HTR2C: variants seen among roughly 807,000 people sequenced by gnomAD.
The protein encoded by HTR2C is 5-hydroxytryptamine (serotonin) receptor 2C, G protein-coupled.
HTR2C carries 5 observed loss-of-function variants against 21.0 expected under a neutral mutation model. The observed-to-expected ratio is 0.24, with a 90% CI of 0.12 to 0.50. The LOEUF (loss-of-function observed/expected upper bound fraction) is 0.50, where lower values mean the gene tolerates loss of function less well. Among genes scored for constraint, HTR2C ranks in the 20% least tolerant of loss-of-function variants. The pLI is 0.98. For missense variants in HTR2C, 271 were observed against 371.2 expected, an observed-to-expected ratio of 0.73 and a Z score of 2.22; for synonymous variants, 150 against 145.3, an observed-to-expected ratio of 1.03 and a Z score of -0.23.
chrX:114,780,308 C>T (rs1242802412), intron 4 of HTR2C, among the ~76,000 whole-genome samples: 1 of 111,197 alleles, frequency 9.0e-6, no homozygotes, highest in East Asian at 2.8e-4. Context: ...ATGAAAGTAT[C>T]AAAGAGCTCA....
intron 4 of HTR2C, among the ~76,000 whole-genome samples, chrX:114,750,852 A>G (rs2069754732): frequency 8.9e-6 from 1 of 112,143 alleles, no homozygotes; most frequent in South Asian, 3.7e-4. Flanking sequence ...GGTAGCAGAC[A>G]CAATAAAAAC....
At chrX:114,732,251 T>C (rs1434584554) in intron 4 of HTR2C, among the ~76,000 whole-genome samples, 1 of 112,227 alleles carries the variant, frequency 8.9e-6, no homozygotes, top group Admixed American at 9.5e-5. Flanking sequence ...TTGATTTTCT[T>C]CCATCCCTTC....
intron 2 of HTR2C, among the ~76,000 whole-genome samples, chrX:114,689,375 T>C (rs1173028217): frequency 1.8e-5 from 2 of 109,543 alleles, no homozygotes; most frequent in Non-Finnish European, 1.9e-5. Flanking sequence ...AGATACCCAG[T>C]AGTGGAATTG....
chrX:114,801,469 T>C (rs1285715976), intron 4 of HTR2C, among the ~76,000 whole-genome samples: 1 of 111,149 alleles, frequency 9.0e-6, no homozygotes, highest in Non-Finnish European at 1.9e-5. Context: ...TGGTGTACTT[T>C]ACATAGATTT....
At chrX:114,732,454 A>G (rs2069546152) in intron 4 of HTR2C, among the ~76,000 whole-genome samples, 1 of 111,204 alleles carries the variant, frequency 9.0e-6, no homozygotes, top group African/African-American at 3.3e-5. Context: ...ATGGAATTAG[A>G]CTAGAAGAAA....
chrX:114,624,826 A>G (rs1168100529), intron 2 of HTR2C, among the ~76,000 whole-genome samples: 1 of 111,780 alleles, frequency 8.9e-6, no homozygotes, highest in Non-Finnish European at 1.9e-5. Flanking sequence ...TTGAGAGCTT[A>G]TAATTGAAAA....
chrX:114,907,154 C>T lies in HTR2C; in HGVS notation c.1116C>T (p.Asn372=). The stretch of plus-strand genomic sequence containing the variant: ...ATCCTCTGGTGTATACTCTGTTCAA[C>T]AAAATTTACCGAAGGGCATTCTCCA... ...GINPLVYTLF[N]KIYRRAFSNY... is the part of the protein sequence containing the mutation. Residue 372 remains asparagine (N), a synonymous_variant, in exon 6 of 6, where the codon AAC becomes AAT. Transcript: ENST00000276198. 8.3e-7 allele frequency: 1 copy of T among 1,210,905 alleles called. No individual in the cohort carries two copies.
At chrX:114,803,374 C>CA (rs2070370957) in intron 4 of HTR2C, among the ~76,000 whole-genome samples, 1 of 82,854 alleles carries the variant, frequency 1.2e-5, no homozygotes, top group Admixed American at 1.5e-4. Context: ...CCTATTTCTC[C>CA]ACATCCTCTC....
chrX:114,881,057 T>A (rs2147519114), intron 5 of HTR2C, among the ~76,000 whole-genome samples: 1 of 111,015 alleles, frequency 9.0e-6, no homozygotes, highest in South Asian at 3.7e-4. Flanking sequence ...TTCATCGTAC[T>A]GTGTGTAAAG....
chrX:114,806,277 T>TATACACACCATATAG lies in HTR2C; in HGVS notation c.350-41711_350-41697dup, dbSNP rs1194312132. 1.4e-4 allele frequency among the ~76,000 whole-genome samples: 14 copies of TATACACACCATATAG among 99,424 alleles called. No homozygotes were observed. In the East Asian group the frequency reaches 2.9e-3, roughly 20 times the overall value. The allele number at this position is 99,424 out of a possible 115,157, so 86.3% of individuals were successfully genotyped here. A position where few individuals can be genotyped will look rare whatever the true frequency, so the allele number is the denominator to read the frequency against. ...ATACACCACATATATACACCATATATATACACACCATATAGATACACACCA... is the reference window on the plus strand; with the variant it reads ...ATACACCACATATATACACCATATATATACACACCATATAGATACACACCATATAGATACACACCA... On this transcript the variant is annotated intron_variant, in intron 4 of 5. Coordinates refer to ENST00000276198, the MANE Select transcript of HTR2C (RefSeq NM_000868.4).
chrX:114,654,257 G>A lies in HTR2C; in HGVS notation c.-80+40376G>A, dbSNP rs188267980. On this transcript the variant is annotated intron_variant, in intron 2 of 5. Transcript: ENST00000276198. ...CTTAAAAAACAATAAAATAATAGATGTATGTGTGTATATGTGTATATATGT... is the reference window on the plus strand; with the variant it reads ...CTTAAAAAACAATAAAATAATAGATATATGTGTGTATATGTGTATATATGT... Among the ~76,000 whole-genome samples, 752 of 107,051 alleles carry A rather than the reference G, an allele frequency of 7.0e-3. 6 individuals are homozygous for A. Among genetic ancestry groups the A allele is most frequent in the Non-Finnish European group, 0.012 (596 of 51,762 alleles). The allele number at this position is 107,051 out of a possible 115,157, so 93.0% of individuals were successfully genotyped here.
chrX:114,885,626 A>C (rs1322407947), intron 5 of HTR2C, among the ~76,000 whole-genome samples: 1 of 111,735 alleles, frequency 8.9e-6, no homozygotes, highest in Non-Finnish European at 1.9e-5. Context: ...TATGGAAATA[A>C]TGTTAACTTT....
chrX:114,611,240 G>C (rs1928717455), intron 1 of HTR2C, among the ~76,000 whole-genome samples: 1 of 112,193 alleles, frequency 8.9e-6, no homozygotes, highest in Admixed American at 9.5e-5. Context: ...GTTCTTAGCA[G>C]TTCTTGGTCC....
Position 114,730,923 on chromosome X carries a change from TG to T in HTR2C, c.36-369del, listed in dbSNP as rs782608885. 5.4e-5 allele frequency among the ~76,000 whole-genome samples: 6 copies of T among 111,841 alleles called. No individual in the cohort carries two copies. The East Asian group carries it at 1.7e-3, about 32-fold the overall frequency. ...TATGGACCCTGGCCCCGCCACTTACTGGCTGTTTAGGCTTGAAAAAGTTACT... is the reference window on the plus strand; with the variant it reads ...TATGGACCCTGGCCCCGCCACTTACTGCTGTTTAGGCTTGAAAAAGTTACT... On this transcript the variant is annotated intron_variant, in intron 3 of 5. Coordinates refer to ENST00000276198, the MANE Select transcript of HTR2C (RefSeq NM_000868.4).
At chrX:114,860,206 G>A (rs2070995851) in intron 5 of HTR2C, among the ~76,000 whole-genome samples, 1 of 111,547 alleles carries the variant, frequency 9.0e-6, no homozygotes, top group African/African-American at 3.2e-5. Context: ...TGCAAGAGTT[G>A]TGTTAAAATC....
intron 2 of HTR2C, among the ~76,000 whole-genome samples, chrX:114,666,058 T>C (rs1394393865): frequency 6.2e-5 from 7 of 112,058 alleles, no homozygotes; most frequent in African/African-American, 2.3e-4. Flanking sequence ...CTGCCTCTCT[T>C]CCATCTTTAT....
chrX:114,728,338 T>G (rs781835366), intron 3 of HTR2C, among the ~76,000 whole-genome samples: 2 of 111,390 alleles, frequency 1.8e-5, no homozygotes, highest in African/African-American at 3.2e-5. Flanking sequence ...TAGGATAAAC[T>G]TTAAGAGCAA....
At chrX:114,754,332 T>TAAGAA (rs2069790306) in intron 4 of HTR2C, among the ~76,000 whole-genome samples, 1 of 111,855 alleles carries the variant, frequency 8.9e-6, no homozygotes, top group Non-Finnish European at 1.9e-5. Flanking sequence ...AGGTAGGTCC[T>TAAGAA]TGAAGAACTA....
intron 2 of HTR2C, among the ~76,000 whole-genome samples, chrX:114,674,203 G>C (rs1229502819): frequency 8.9e-6 from 1 of 112,060 alleles, no homozygotes; most frequent in Non-Finnish European, 1.9e-5. Context: ...TCATAGTCTA[G>C]TTTTCTAGGA....
Sources: allele counts gnomAD v4.1 joint callset (sites outside exome capture counted in the v4.1 genomes callset), GRCh38; gene constraint gnomAD v4.1.1; transcripts MANE v1.5; gene names NCBI Gene and HGNC (gene_info 2026-07-23, HGNC 2026-07-21).